The following PDCL2 variants were observed in gnomAD, a reference collection of about 807,000 sequenced individuals.
PDCL2 encodes phosducin-like protein 2.
PDCL2 carries 23 observed loss-of-function variants against 30.3 expected under a neutral mutation model. That is an observed-to-expected ratio of 0.76 (90% CI 0.55 to 1.08). The LOEUF (loss-of-function observed/expected upper bound fraction) is 1.08, where lower values mean the gene tolerates loss of function less well. PDCL2 is among the 50% of genes least tolerant of loss of function. The pLI, the probability that PDCL2 is intolerant of heterozygous loss-of-function variation, is 0.00. For synonymous variants in PDCL2, 68 were observed against 86.2 expected (o/e 0.79, Z 1.17); for missense variants, 243 against 282.3 (o/e 0.86, Z 1.00).
At chr4:55,563,441 G>C (rs933274447) in intron 4 of PDCL2, among the ~76,000 whole-genome samples, 3 of 152,134 alleles carry the variant, frequency 2.0e-5, no homozygotes, top group African/African-American at 7.2e-5. Context: ...GGCACTTTGG[G>C]AGGCCAAGAT....
intron 3 of PDCL2, among the ~76,000 whole-genome samples, chr4:55,572,035 C>T (rs1732439791): frequency 6.6e-6 from 1 of 152,088 alleles, no homozygotes; most frequent in Non-Finnish European, 1.5e-5. Context: ...AATGGTGCAA[C>T]TATCAACAAC....
intron 1 of PDCL2, among the ~76,000 whole-genome samples, chr4:55,589,702 A>C (rs1732949681): frequency 6.6e-6 from 1 of 152,188 alleles, no homozygotes; most frequent in South Asian, 2.1e-4. Context: ...CCTGTAATAA[A>C]AGACAGATTA....
intron 3 of PDCL2, among the ~76,000 whole-genome samples, chr4:55,573,438 C>T (rs1732481941): frequency 6.6e-6 from 1 of 152,002 alleles, no homozygotes; most frequent in Admixed American, 6.5e-5. Context: ...TGGCTAGGAC[C>T]TATTGTATGG....
intron 3 of PDCL2, among the ~76,000 whole-genome samples, chr4:55,576,759 C>T (rs1362845667): frequency 6.6e-6 from 1 of 152,140 alleles, no homozygotes; most frequent in East Asian, 1.9e-4. Flanking sequence ...ATACAGAAAA[C>T]ACCTAAGTAG....
At chr4:55,576,330 C>T (rs116496492) in intron 3 of PDCL2, among the ~76,000 whole-genome samples, 4,067 of 152,200 alleles carry the variant, frequency 0.027, 193 homozygotes, top group African/African-American at 0.093. Context: ...TGAACTCAGG[C>T]GATTTGCCCA....
At chr4:55,580,530 C>T (rs562839197) in intron 3 of PDCL2, among the ~76,000 whole-genome samples, 15 of 152,186 alleles carry the variant, frequency 9.9e-5, no homozygotes, top group Admixed American at 2.6e-4. Flanking sequence ...AAAATCATGG[C>T]CATCTTTTTA....
intron 4 of PDCL2, 29 bp downstream of exon 4, chr4:55,569,689 T>G: frequency 6.8e-7 from 1 of 1,460,914 alleles, no homozygotes. Context: ...TAGTAGTATA[T>G]TAACATTTTG....
intron 4 of PDCL2, among the ~76,000 whole-genome samples, chr4:55,565,514 C>G (rs987499168): frequency 1.3e-5 from 2 of 152,148 alleles, no homozygotes; most frequent in Non-Finnish European, 2.9e-5. Context: ...ACCGTCAGAT[C>G]TCATGAGAAC....
At chr4:55,563,360 A>G (rs1732182085) in intron 4 of PDCL2, among the ~76,000 whole-genome samples, 1 of 152,066 alleles carries the variant, frequency 6.6e-6, no homozygotes, top group South Asian at 2.1e-4. Flanking sequence ...TCCTTCTCCA[A>G]AGACTCTTTC....
At chr4:55,589,757 T>C (rs1732950539) in intron 1 of PDCL2, among the ~76,000 whole-genome samples, 1 of 152,180 alleles carries the variant, frequency 6.6e-6, no homozygotes, top group Non-Finnish European at 1.5e-5. Context: ...CATGGATACA[T>C]TGGAGATACC....
intron 1 of PDCL2, among the ~76,000 whole-genome samples, chr4:55,588,992 G>C (rs1021013279): frequency 6.6e-6 from 1 of 151,852 alleles, no homozygotes. Context: ...CAAGTAGCTG[G>C]GACCACAGGC....
At chr4:55,576,543 A>G (rs1227664726) in intron 3 of PDCL2, among the ~76,000 whole-genome samples, 1 of 152,250 alleles carries the variant, frequency 6.6e-6, no homozygotes, top group Non-Finnish European at 1.5e-5. Flanking sequence ...AGATGTGTTT[A>G]CATGCTATTG....
At chr4:55,588,123 C>T (rs894221319) in intron 1 of PDCL2, among the ~76,000 whole-genome samples, 6 of 152,076 alleles carry the variant, frequency 3.9e-5, no homozygotes, top group Non-Finnish European at 8.8e-5. Flanking sequence ...ATCACTAAGC[C>T]AAGGGAAAAG....
At chr4:55,577,472 A>G (rs921841820) in intron 3 of PDCL2, among the ~76,000 whole-genome samples, 20 of 152,220 alleles carry the variant, frequency 1.3e-4, no homozygotes, top group African/African-American at 4.8e-4. Context: ...GAGAGCAGGG[A>G]ATAGTGTTAA....
chr4:55,558,493 C>T, intron 5 of PDCL2, among the ~76,000 whole-genome samples: 1 of 152,168 alleles, frequency 6.6e-6, no homozygotes, highest in East Asian at 1.9e-4. Flanking sequence ...GCCTCCCCAG[C>T]CATGCTGAAC....
chr4:55,561,328 G>A (rs980446124), intron 5 of PDCL2, among the ~76,000 whole-genome samples: 8 of 152,102 alleles, frequency 5.3e-5, no homozygotes, highest in Non-Finnish European at 8.8e-5. Context: ...TTTGGAGGCT[G>A]AGGCGGGCGG....
intron 3 of PDCL2, among the ~76,000 whole-genome samples, chr4:55,573,697 C>T (rs1732489474): frequency 6.6e-6 from 1 of 151,920 alleles, no homozygotes; most frequent in Non-Finnish European, 1.5e-5. Flanking sequence ...GCTGCAGTGA[C>T]CTGAGACTGG....
intron 4 of PDCL2, among the ~76,000 whole-genome samples, chr4:55,563,004 T>A (rs1201980608): frequency 6.6e-6 from 1 of 152,146 alleles, no homozygotes; most frequent in East Asian, 1.9e-4. Context: ...CATCATGAGC[T>A]TCTTTCCATG....
chr4:55,561,889 G>C (rs1362364210), intron 5 of PDCL2, among the ~76,000 whole-genome samples: 2 of 152,136 alleles, frequency 1.3e-5, no homozygotes, highest in African/African-American at 4.8e-5. Flanking sequence ...GATGCATTGA[G>C]AATATACACT....
Sources: allele counts gnomAD v4.1 joint callset (sites outside exome capture counted in the v4.1 genomes callset), GRCh38; gene constraint gnomAD v4.1.1; transcripts MANE v1.5; gene names NCBI Gene and HGNC (gene_info 2026-07-23, HGNC 2026-07-21).